Variants in SETX observed in about 807,000 individuals in gnomAD.
SETX encodes helicase senataxin.
Under a neutral mutation model 227.2 loss-of-function variants are expected in SETX, and 90 were observed. That is an observed-to-expected ratio of 0.40 (90% CI 0.33 to 0.47). The LOEUF (loss-of-function observed/expected upper bound fraction) is 0.47. Ranked by LOEUF, SETX falls within the 20% of genes least tolerant of loss-of-function variation. SETX has a pLI of 0.91. For missense variants in SETX, 3,052 were observed against 3,181.5 expected, an observed-to-expected ratio of 0.96 and a Z score of 0.98; for synonymous variants, 1,210 against 1,113.2, an observed-to-expected ratio of 1.09 and a Z score of -1.73.
chr9:132,355,205 T>C (rs973128912), upstream of SETX, among the ~76,000 whole-genome samples: 11 of 152,162 alleles, frequency 7.2e-5, no homozygotes, highest in Admixed American at 5.9e-4. Flanking sequence ...CGAGTCCCCG[T>C]CAGGGTGGAC....
chr9:132,281,509 T>A lies in SETX; in HGVS notation c.6612A>T (p.Leu2204=), dbSNP rs1418023482. ...GAGGGAGCTGCTTAGGATCTCCTAC[T>A]AGGATGAGCTTATTGCAGCGATGGA... is the stretch of plus-strand genomic sequence containing the variant. ...PLIHRCNKLI[L]VGDPKQLPPT... The change falls in exon 20 of 26, where the codon CTA becomes CTT. Residue 2204 remains leucine (L), a synonymous_variant. Coordinates refer to ENST00000224140, the MANE Select transcript of SETX (RefSeq NM_015046.7). 6.2e-7 allele frequency: 1 copy of A among 1,614,014 alleles called. No homozygotes were observed. Among genetic ancestry groups the A allele is most frequent in the Non-Finnish European group, 8.5e-7 (1 of 1,179,930 alleles).
chr9:132,302,806 T>G (rs1036055184), intron 11 of SETX, among the ~76,000 whole-genome samples: 7 of 151,786 alleles, frequency 4.6e-5, no homozygotes, highest in Non-Finnish European at 8.8e-5. Context: ...CCAATTTCAG[T>G]ATTTTTTATA....
intron 24 of SETX, 143 bp downstream of exon 24, chr9:132,271,567 T>G (rs1211108387): frequency 2.7e-6 from 2 of 745,022 alleles, no homozygotes; most frequent in Non-Finnish European, 4.7e-6. Flanking sequence ...AAAGAGAAAC[T>G]TTCATAGTAT....
At chr9:132,275,446 C>CA (rs1843114419) in intron 22 of SETX, 26 bp from the exon 23 acceptor site, 3 of 1,578,562 alleles carry the variant, frequency 1.9e-6, no homozygotes, top group Non-Finnish European at 2.6e-6. Flanking sequence ...AAAGAAAACA[C>CA]AGTGTTATCA....
intron 17 of SETX, among the ~76,000 whole-genome samples, chr9:132,286,842 C>T (rs1843931610): frequency 6.6e-6 from 1 of 152,204 alleles, no homozygotes; most frequent in Non-Finnish European, 1.5e-5. Flanking sequence ...CAATCATGCA[C>T]CCATCTTCTT....
At chr9:132,344,262 G>A (rs1848164713) in intron 4 of SETX, among the ~76,000 whole-genome samples, 1 of 152,170 alleles carries the variant, frequency 6.6e-6, no homozygotes. Flanking sequence ...TGCCCAGAAT[G>A]AAGTACAGTG....
rs1848480287 is a variant in SETX, at chr9:132,349,338, G to C, written c.91C>G (p.Gln31Glu). ...YASNTPSGEF[Q>E]TADEDLCYCL... is the part of the protein sequence containing the mutation. ...TAGCAGAGGTCTTCGTCGGCTGTTT[G>C]AAATTCACCGGACGGAGTGTTGGAA... is the stretch of plus-strand genomic sequence containing the variant. The change falls in exon 3 of 26, where the codon CAA becomes GAA. Residue 31 changes from glutamine to glutamate, a missense_variant. Around this residue, in one of 10 missense-constraint regions of SETX, gnomAD observed 152 missense variants for 156.2 expected, o/e 0.97. Transcript: ENST00000224140. 6.2e-6 allele frequency: 10 copies of C among 1,614,126 alleles called. No homozygotes were observed. Among genetic ancestry groups the C allele is most frequent in the Non-Finnish European group, 7.6e-6 (9 of 1,180,034 alleles).
At chr9:132,323,466 G>GA (rs756406680) in intron 10 of SETX, among the ~76,000 whole-genome samples, 5 of 152,116 alleles carry the variant, frequency 3.3e-5, no homozygotes, top group Non-Finnish European at 5.9e-5. Flanking sequence ...AAAATTTCAA[G>GA]ACAATCCCAT....
chr9:132,269,319 G>C, intron 25 of SETX: 5 of 1,016,958 alleles, frequency 4.9e-6, no homozygotes, highest in Non-Finnish European at 6.7e-6. Flanking sequence ...CCAAGCAATT[G>C]CTTTGGCACT....
chr9:132,281,466 C>T lies in SETX; in HGVS notation c.6654+1G>A, dbSNP rs1554806979. The T allele has an allele frequency of 1.9e-6, 3 of 1,608,980 alleles. No homozygotes were observed. Among genetic ancestry groups the T allele is most frequent in the Non-Finnish European group, 2.6e-6 (3 of 1,175,384 alleles). ...AAGCAATCTGAACATAAAAAACTTA[C>T]CATAGAGATGACTGTCGGAGGGAGC... On this transcript the variant is annotated splice_donor_variant, in intron 20 of 25. Coordinates refer to ENST00000224140, the MANE Select transcript of SETX (RefSeq NM_015046.7). LOFTEE classifies it high-confidence loss of function.
Position 132,271,943 on chromosome 9 carries a change from C to T in SETX, c.7101-135G>A, listed in dbSNP as rs1382296800. ...TGTCGCCCAGGCTGGAGTGCAGTGG[C>T]GCGATCTCAGTTCACTGCAAGCTCT... On this transcript the variant is annotated intron_variant, in intron 23 of 25. Transcript: ENST00000224140. 10 of 644,898 alleles carry T rather than the reference C, an allele frequency of 1.6e-5. No homozygotes were observed. In the East Asian group the frequency reaches 2.0e-4, roughly 13 times the overall value. 39.9% of individuals were successfully genotyped at this position (644,898 alleles called of 1,614,324 possible). A position where few individuals can be genotyped will look rare whatever the true frequency, so the allele number is the denominator to read the frequency against.
Position 132,327,327 on chromosome 9 carries a change from A to G in SETX, c.4271T>C (p.Ile1424Thr). The stretch of plus-strand genomic sequence containing the variant: ...TGCTGGAGACCCATGTTTTGCTTTT[A>G]TGGTTTCTGGTTCAGAAGGCATGCA... ...IKCMPSEPET[I>T]KAKHGSPATD... Residue 1424 changes from isoleucine (I) to threonine (T), a missense_variant, in exon 10 of 26, where the codon ATA becomes ACA. Transcript: ENST00000224140. The G allele has an allele frequency of 6.2e-7, 1 of 1,614,172 alleles. No homozygotes were observed. Among genetic ancestry groups the G allele is most frequent in the Non-Finnish European group, 8.5e-7 (1 of 1,180,024 alleles).
chr9:132,313,081 T>A (rs1217396247), intron 10 of SETX, among the ~76,000 whole-genome samples: 2 of 152,102 alleles, frequency 1.3e-5, no homozygotes, highest in African/African-American at 2.4e-5. Flanking sequence ...GGGCTAGTGG[T>A]AGGAATGAAG....
At chr9:132,338,432 A>T (rs1368665355) in intron 5 of SETX, among the ~76,000 whole-genome samples, 4 of 152,112 alleles carry the variant, frequency 2.6e-5, no homozygotes, top group Admixed American at 1.3e-4. Flanking sequence ...GAATGACTGT[A>T]TTCTTCAGAA....
intron 7 of SETX, among the ~76,000 whole-genome samples, chr9:132,334,191 A>T (rs1847443719): frequency 6.6e-6 from 1 of 152,232 alleles, no homozygotes; most frequent in African/African-American, 2.4e-5. Context: ...CATGCCTGTA[A>T]TCCCAGCACT....
intron 7 of SETX, among the ~76,000 whole-genome samples, chr9:132,333,843 C>T (rs921704912): frequency 2.0e-5 from 3 of 152,120 alleles, no homozygotes; most frequent in Non-Finnish European, 4.4e-5. Flanking sequence ...AGTACAGGCA[C>T]GTGTGGCCAT....
At chr9:132,331,965 T>C (rs186531193) in intron 7 of SETX, among the ~76,000 whole-genome samples, 141 of 152,330 alleles carry the variant, frequency 9.3e-4, no homozygotes, top group African/African-American at 3.2e-3. Context: ...GCATCTAGTG[T>C]AAATGACTAA....
chr9:132,286,354 AAC>A (rs1370255550), intron 18 of SETX, 67 bp downstream of exon 18: 7 of 1,108,498 alleles, frequency 6.3e-6, no homozygotes, highest in African/African-American at 1.6e-5. Context: ...AGCTTGTCTG[AAC>A]AGTCATACTT....
In SETX at chr9:132,291,462, G is replaced by A. The variant is rs139801553; in HGVS notation, c.6107-2811C>T. Reference sequence around the variant, plus strand: ...ATTACAGGAGTGAGCCACCTCGCCCGGCCTGAAAATTTCTTAATTCACTTA... The same window carrying A: ...ATTACAGGAGTGAGCCACCTCGCCCAGCCTGAAAATTTCTTAATTCACTTA... On this transcript the variant is annotated intron_variant, in intron 15 of 25. Transcript: ENST00000224140. Among the ~76,000 whole-genome samples, 558 of 152,104 alleles carry A rather than the reference G, an allele frequency of 3.7e-3. 5 individuals carry two copies. The highest frequency in any genetic ancestry group is 0.012 in the African/African-American group (498 of 41,480).
Sources: allele counts gnomAD v4.1 joint callset (sites outside exome capture counted in the v4.1 genomes callset), GRCh38; gene constraint gnomAD v4.1.1; regional missense constraint gnomAD v4.1.1; transcripts MANE v1.5; gene names NCBI Gene and HGNC (gene_info 2026-07-23, HGNC 2026-07-21).